Variants in PRKCE observed in about 807,000 individuals in gnomAD.
The protein encoded by PRKCE is protein kinase C epsilon.
A neutral mutation model predicts 85.4 loss-of-function variants in PRKCE; 16 were observed. That is an observed-to-expected ratio of 0.19 (90% CI 0.13 to 0.28). PRKCE has a LOEUF of 0.28. Among genes scored for constraint, PRKCE ranks in the 10% least tolerant of loss-of-function variants. The probability of loss-of-function intolerance (pLI) is 1.00; values close to 1 mark genes in which losing one functional copy is unlikely to be tolerated. For synonymous variants in PRKCE, 388 were observed against 371.5 expected, an observed-to-expected ratio of 1.04 and a Z score of -0.51; for missense variants, 573 against 975.2, an observed-to-expected ratio of 0.59 and a Z score of 5.49.
In PRKCE at chr2:45,983,452, G is replaced by C. The variant is rs540730810; in HGVS notation, c.694-1099G>C. On this transcript the variant is annotated intron_variant, in intron 5 of 14. Transcript: ENST00000306156. Reference sequence around the variant, plus strand: ...ACTGAGAGGGGCTGGGGGTGCAGCTGCTCCACTAAAGACATAGATGGAGGG... The same window carrying C: ...ACTGAGAGGGGCTGGGGGTGCAGCTCCTCCACTAAAGACATAGATGGAGGG... Among the ~76,000 whole-genome samples the C allele has an allele frequency of 2.6e-5, 4 of 152,278 alleles. No individual in the cohort carries two copies. In the East Asian group the frequency reaches 7.7e-4, roughly 29 times the overall value.
intron 2 of PRKCE, among the ~76,000 whole-genome samples, chr2:45,948,218 T>G (rs768532913): frequency 5.3e-5 from 8 of 152,074 alleles, no homozygotes; most frequent in Non-Finnish European, 8.8e-5. Context: ...ACATGCAAAA[T>G]AAAACAAATG....
At chr2:46,027,375 T>A (rs868306699) in intron 10 of PRKCE, among the ~76,000 whole-genome samples, 1 of 151,740 alleles carries the variant, frequency 6.6e-6, no homozygotes, top group Non-Finnish European at 1.5e-5. Context: ...AGATCATGAT[T>A]ACCAGGGAAG....
intron 2 of PRKCE, among the ~76,000 whole-genome samples, chr2:45,914,398 G>T (rs1271510377): frequency 6.6e-5 from 10 of 152,214 alleles, no homozygotes; most frequent in Admixed American, 6.5e-4. Context: ...TGGTCCAGAG[G>T]GCTGGTGGCT....
intron 10 of PRKCE, among the ~76,000 whole-genome samples, chr2:46,033,941 T>C (rs1707699413): frequency 6.6e-6 from 1 of 152,162 alleles, no homozygotes; most frequent in Admixed American, 6.5e-5. Flanking sequence ...AACCTTGAGC[T>C]TGGGATTTCA....
At chr2:45,909,005 C>T (rs937513576) in intron 2 of PRKCE, among the ~76,000 whole-genome samples, 4 of 152,184 alleles carry the variant, frequency 2.6e-5, no homozygotes, top group Admixed American at 2.6e-4. Flanking sequence ...TGAGCCTTGA[C>T]CTTGAAGTCA....
At chr2:45,948,714 G>A (rs542105081) in intron 2 of PRKCE, among the ~76,000 whole-genome samples, 1 of 152,124 alleles carries the variant, frequency 6.6e-6, no homozygotes, top group Non-Finnish European at 1.5e-5. Context: ...CTTGTTGGGG[G>A]ATTCCTGCTC....
At position 45,740,280 on chromosome 2, in the gene PRKCE, G is replaced by C. The variant is rs150908460; in HGVS notation, c.348+87832G>C. On this transcript the variant is annotated intron_variant, in intron 1 of 14. Transcript: ENST00000306156. ...TGTGCCCCTAACTCTCCTTCCTTGG[G>C]CTTAGTCAGGAGTCCCTAGGGAATG... is the stretch of plus-strand genomic sequence containing the variant. Among the ~76,000 whole-genome samples, 361 of 152,262 alleles carry C rather than the reference G, an allele frequency of 2.4e-3. 2 individuals are homozygous for C. Among genetic ancestry groups the C allele is most frequent in the African/African-American group, 8.4e-3 (350 of 41,550 alleles).
chr2:46,004,408 G>A lies in PRKCE; in HGVS notation c.967-134G>A. The A allele has an allele frequency of 2.6e-6, 2 of 756,188 alleles. No homozygotes were observed. The highest frequency in any genetic ancestry group is 3.3e-5 in the South Asian group (2 of 60,018). 46.8% of individuals were successfully genotyped at this position (756,188 alleles called of 1,614,324 possible). A position where few individuals can be genotyped will look rare whatever the true frequency, so the allele number is the denominator to read the frequency against. The stretch of plus-strand genomic sequence containing the variant: ...GGCTACTTTGGCGATGGCTGCAAGA[G>A]GACAGAGATCTACTGAATTCCTGCT... On this transcript the variant is annotated intron_variant, in intron 7 of 14. Coordinates refer to ENST00000306156, the MANE Select transcript of PRKCE (RefSeq NM_005400.3). The surrounding 1 kb of genome is among the most constrained non-coding windows in gnomAD (Gnocchi z 4.1).
chr2:45,722,329 T>G (rs1454213173), intron 1 of PRKCE, among the ~76,000 whole-genome samples: 1 of 152,252 alleles, frequency 6.6e-6, no homozygotes, highest in Non-Finnish European at 1.5e-5. Context: ...TATTTGCTTC[T>G]GCATTCAGGC....
intron 1 of PRKCE, among the ~76,000 whole-genome samples, chr2:45,705,326 T>A (rs1228562725): frequency 6.6e-6 from 1 of 152,220 alleles, no homozygotes; most frequent in East Asian, 1.9e-4. Flanking sequence ...GCGGAGAAAT[T>A]TGGCTCAGAC....
chr2:45,874,108 T>C (rs1235924135), intron 2 of PRKCE, among the ~76,000 whole-genome samples: 1 of 152,216 alleles, frequency 6.6e-6, no homozygotes, highest in African/African-American at 2.4e-5. Context: ...GCTGAAGAGA[T>C]TGTCAACACA....
intron 11 of PRKCE, among the ~76,000 whole-genome samples, chr2:46,123,214 C>G (rs1224597202): frequency 3.7e-5 from 1 of 27,352 alleles, no homozygotes; most frequent in Non-Finnish European, 6.6e-5. Flanking sequence ...AAACACTTGC[C>G]TTTTTTTTTT....
At chr2:45,696,664 G>A (rs1344702174) in intron 1 of PRKCE, among the ~76,000 whole-genome samples, 1 of 152,190 alleles carries the variant, frequency 6.6e-6, no homozygotes, top group African/African-American at 2.4e-5. Context: ...GTCTGTGGCG[G>A]TAAGCGGAGG....
intron 1 of PRKCE, among the ~76,000 whole-genome samples, chr2:45,721,684 C>A (rs572358350): frequency 6.6e-6 from 1 of 152,182 alleles, no homozygotes; most frequent in African/African-American, 2.4e-5. Context: ...TAGAGACCAC[C>A]TGGGCAACAA....
chr2:45,940,261 G>T (rs1573958155), intron 2 of PRKCE, among the ~76,000 whole-genome samples: 1 of 152,138 alleles, frequency 6.6e-6, no homozygotes, highest in African/African-American at 2.4e-5. Flanking sequence ...GGTAGCTGTG[G>T]CTTCAAGGAG....
At chr2:45,782,487 C>T (rs909019002) in intron 1 of PRKCE, among the ~76,000 whole-genome samples, 19 of 152,070 alleles carry the variant, frequency 1.2e-4, no homozygotes, top group Admixed American at 1.1e-3. Flanking sequence ...CATCTCCAGC[C>T]GGTGACATAT....
intron 2 of PRKCE, among the ~76,000 whole-genome samples, chr2:45,940,653 C>T (rs1699806179): frequency 6.6e-6 from 1 of 152,210 alleles, no homozygotes. Flanking sequence ...CTTGCGCTCA[C>T]AAGTGTTCAC....
chr2:45,679,252 A>G (rs1676705862), intron 1 of PRKCE, among the ~76,000 whole-genome samples: 1 of 152,222 alleles, frequency 6.6e-6, no homozygotes, highest in Non-Finnish European at 1.5e-5. Context: ...ACGAAACTAC[A>G]GGCACACATA....
At chr2:45,823,569 C>G (rs1689708305) in intron 1 of PRKCE, among the ~76,000 whole-genome samples, 1 of 152,218 alleles carries the variant, frequency 6.6e-6, no homozygotes, top group African/African-American at 2.4e-5. Flanking sequence ...CAGATAGTCA[C>G]TCCACAGCAA....
Sources: allele counts gnomAD v4.1 joint callset (sites outside exome capture counted in the v4.1 genomes callset), GRCh38; gene constraint gnomAD v4.1.1; non-coding constraint Gnocchi (gnomAD v3.1); transcripts MANE v1.5; gene names NCBI Gene and HGNC (gene_info 2026-07-23, HGNC 2026-07-21).